The following PRKAA2 variants were observed in gnomAD, a reference collection of about 807,000 sequenced individuals.
PRKAA2 encodes 5'-AMP-activated protein kinase catalytic subunit alpha-2.
PRKAA2 carries 40 observed loss-of-function variants against 56.3 expected under a neutral mutation model. That is an observed-to-expected ratio of 0.71 (90% CI 0.55 to 0.92). The LOEUF is 0.92. Ranked by LOEUF, PRKAA2 falls within the 40% of genes least tolerant of loss-of-function variation. The pLI, the probability that PRKAA2 is intolerant of heterozygous loss-of-function variation, is 0.00. For missense variants in PRKAA2, 542 were observed against 686.9 expected (o/e 0.79, Z 2.36); for synonymous variants, 214 against 234.2 (o/e 0.91, Z 0.79).
chr1:56,707,455 T>G lies in PRKAA2; in HGVS notation c.1421-20T>G, dbSNP rs770876688. On this transcript the variant is annotated intron_variant, in intron 8 of 8. Coordinates refer to ENST00000371244, the MANE Select transcript of PRKAA2 (RefSeq NM_006252.4). ...CATATATACTTTCCATATAAATTGC[T>G]CTTCTTTGGTCCATTTCAGATGAAG... is the stretch of plus-strand genomic sequence containing the variant. 2 of 1,600,012 alleles carry G rather than the reference T, an allele frequency of 1.2e-6. No homozygotes were observed. The highest frequency in any genetic ancestry group is 1.7e-6 in the Non-Finnish European group (2 of 1,167,976).
intron 1 of PRKAA2, among the ~76,000 whole-genome samples, chr1:56,665,987 G>A (rs1644033283): frequency 6.6e-6 from 1 of 152,084 alleles, no homozygotes; most frequent in Non-Finnish European, 1.5e-5. Flanking sequence ...GTACTACATA[G>A]GATTCTTTAG....
intron 2 of PRKAA2, among the ~76,000 whole-genome samples, chr1:56,684,281 A>G (rs1314139608): frequency 6.6e-6 from 1 of 152,084 alleles, no homozygotes; most frequent in East Asian, 1.9e-4. Context: ...TTTTGGTTTT[A>G]TGAAGTTGAA....
chr1:56,679,711 C>T (rs1644139742), intron 2 of PRKAA2, among the ~76,000 whole-genome samples: 1 of 152,016 alleles, frequency 6.6e-6, no homozygotes, highest in Non-Finnish European at 1.5e-5. Flanking sequence ...CTGCCAATTC[C>T]AACTTGTCTT....
At chr1:56,688,327 G>A (rs1332397699) in intron 2 of PRKAA2, among the ~76,000 whole-genome samples, 6 of 152,106 alleles carry the variant, frequency 3.9e-5, no homozygotes, top group Admixed American at 6.6e-5. Flanking sequence ...AAGCACTCAC[G>A]TTATTTAAAA....
rs1010181159 is a variant in PRKAA2, at chr1:56,710,504, C to T, written c.*2791C>T. The T allele has an allele frequency of 2.0e-5, 3 of 152,046 alleles. No homozygotes were observed. The highest frequency in any genetic ancestry group is 4.4e-5 in the Non-Finnish European group (3 of 67,962). The allele number at this position is 152,046 out of a possible 1,614,324, so 9.4% of individuals were successfully genotyped here. On this transcript the variant is annotated 3_prime_UTR_variant, in exon 9 of 9. Transcript: ENST00000371244. ...CCATGAAAAGCAAATTTGGGAAATA[C>T]ATTTTTTAGGAAAATACTGTCCCAG...
Position 56,645,386 on chromosome 1 carries a change from A to G in PRKAA2, c.-2A>G. ...GGTGGAGCGAGGCCGCGCGCGCCGA[A>G]GATGGCTGAGAAGCAGAAGCACGAC... On this transcript the variant is annotated 5_prime_UTR_variant, in exon 1 of 9. Coordinates refer to ENST00000371244, the MANE Select transcript of PRKAA2 (RefSeq NM_006252.4). 2.0e-6 allele frequency: 3 copies of G among 1,480,808 alleles called. No individual in the cohort carries two copies. Among genetic ancestry groups the G allele is most frequent in the Non-Finnish European group, 2.7e-6 (3 of 1,107,772 alleles). The allele number at this position is 1,480,808 out of a possible 1,614,324, so 91.7% of individuals were successfully genotyped here. A position where few individuals can be genotyped will look rare whatever the true frequency, so the allele number is the denominator to read the frequency against.
At position 56,706,189 on chromosome 1, in the gene PRKAA2, G is replaced by T. The variant is rs1288649641; in HGVS notation, c.1391G>T (p.Ser464Ile). ...CAACTTTACCTGGTTGATAACAGGA[G>T]CTATCTTTTGGACTTTAAAAGCATT... ...SLQLYLVDNRSYLLDFKSIDD... is the reference protein window; with the variant it reads ...SLQLYLVDNRIYLLDFKSIDD... The change falls in exon 8 of 9, where the codon AGC becomes ATC. Residue 464 changes from serine to isoleucine, a missense_variant. Coordinates refer to ENST00000371244, the MANE Select transcript of PRKAA2 (RefSeq NM_006252.4). 6.2e-7 allele frequency: 1 copy of T among 1,613,812 alleles called. No individual in the cohort carries two copies. The highest frequency in any genetic ancestry group is 8.5e-7 in the Non-Finnish European group (1 of 1,179,924).
chr1:56,676,402 G>A (rs1003300428), intron 2 of PRKAA2, among the ~76,000 whole-genome samples: 3 of 152,156 alleles, frequency 2.0e-5, no homozygotes, highest in East Asian at 1.9e-4. Context: ...CCGTTTCTGC[G>A]TTTGAAGATG....
chr1:56,681,962 C>T (rs542538627), intron 2 of PRKAA2, among the ~76,000 whole-genome samples: 103 of 152,064 alleles, frequency 6.8e-4, no homozygotes, highest in African/African-American at 2.5e-3. Flanking sequence ...GCCATTTTCA[C>T]GATATTGATT....
intron 2 of PRKAA2, among the ~76,000 whole-genome samples, chr1:56,690,976 A>G (rs1644225435): frequency 6.6e-6 from 1 of 151,988 alleles, no homozygotes; most frequent in African/African-American, 2.4e-5. Context: ...CATTGCCCTG[A>G]GCTCAAGTGA....
Position 56,645,378 on chromosome 1 carries a change from C to T in PRKAA2, c.-10C>T, listed in dbSNP as rs1236360626. On this transcript the variant is annotated 5_prime_UTR_variant, in exon 1 of 9. Transcript: ENST00000371244. ...CGGCAGGCGGTGGAGCGAGGCCGCGCGCGCCGAAGATGGCTGAGAAGCAGA... is the reference window on the plus strand; with the variant it reads ...CGGCAGGCGGTGGAGCGAGGCCGCGTGCGCCGAAGATGGCTGAGAAGCAGA... 6.8e-7 allele frequency: 1 copy of T among 1,466,544 alleles called. No homozygotes were observed. Among genetic ancestry groups the T allele is most frequent in the Admixed American group, 2.2e-5 (1 of 44,598 alleles). The allele number at this position is 1,466,544 out of a possible 1,614,324, so 90.8% of individuals were successfully genotyped here.
intron 2 of PRKAA2, among the ~76,000 whole-genome samples, chr1:56,679,771 T>C (rs763447611): frequency 5.9e-5 from 9 of 152,066 alleles, no homozygotes; most frequent in Non-Finnish European, 1.2e-4. Flanking sequence ...TGAACCACAT[T>C]GGTCTACTTA....
In PRKAA2 at chr1:56,692,387, T is replaced by C. The variant is rs1389204648; in HGVS notation, c.360T>C (p.Phe120=). ...RVEEMEARRL[F]QQILSAVDYC... is the part of the protein sequence containing the mutation. ...AAGAGATGGAAGCCAGGCGGCTCTT[T>C]CAGCAGATTCTGTCTGCTGTGGATT... is the stretch of plus-strand genomic sequence containing the variant. The change falls in exon 4 of 9, where the codon TTT becomes TTC. Residue 120 remains phenylalanine, a synonymous_variant. Coordinates refer to ENST00000371244, the MANE Select transcript of PRKAA2 (RefSeq NM_006252.4). 8.7e-6 allele frequency: 14 copies of C among 1,613,978 alleles called. No individual in the cohort carries two copies. The Admixed American group carries it at 1.0e-4, about 12-fold the overall frequency.
chr1:56,660,859 A>G (rs892697626), intron 1 of PRKAA2, among the ~76,000 whole-genome samples: 1 of 152,196 alleles, frequency 6.6e-6, no homozygotes, highest in Non-Finnish European at 1.5e-5. Flanking sequence ...AATAAGTTGT[A>G]GATAAAAAGG....
At chr1:56,651,353 T>C (rs1449112254) in intron 1 of PRKAA2, among the ~76,000 whole-genome samples, 6 of 152,234 alleles carry the variant, frequency 3.9e-5, no homozygotes, top group Admixed American at 3.9e-4. Context: ...GTATGATATA[T>C]GCACTTGATT....
chr1:56,689,294 T>A (rs765943581), intron 2 of PRKAA2, among the ~76,000 whole-genome samples: 12 of 152,346 alleles, frequency 7.9e-5, no homozygotes, highest in Non-Finnish European at 1.5e-4. Context: ...CTTCTAGAGT[T>A]CTCAGTATAA....
chr1:56,666,440 G>A (rs911174012), intron 1 of PRKAA2, among the ~76,000 whole-genome samples: 1 of 152,188 alleles, frequency 6.6e-6, no homozygotes, highest in Non-Finnish European at 1.5e-5. Context: ...GGGGAATGGG[G>A]TGCTAGTTAG....
chr1:56,678,688 G>A (rs1203309105), intron 2 of PRKAA2, among the ~76,000 whole-genome samples: 1 of 119,132 alleles, frequency 8.4e-6, no homozygotes, highest in South Asian at 3.1e-4. Flanking sequence ...AGATGATCTT[G>A]TCTAATTTTT....
At chr1:56,648,043 G>A (rs1166086354) in intron 1 of PRKAA2, among the ~76,000 whole-genome samples, 1 of 149,250 alleles carries the variant, frequency 6.7e-6, no homozygotes, top group African/African-American at 2.5e-5. Context: ...AAAAAAAAAA[G>A]AAAAGAAAAG....
Sources: allele counts gnomAD v4.1 joint callset (sites outside exome capture counted in the v4.1 genomes callset), GRCh38; gene constraint gnomAD v4.1.1; transcripts MANE v1.5; gene names NCBI Gene and HGNC (gene_info 2026-07-23, HGNC 2026-07-21).